Variants in LCORL observed in about 807,000 individuals in gnomAD.
LCORL encodes ligand-dependent nuclear receptor corepressor-like protein.
LCORL carries 41 observed loss-of-function variants against 141.8 expected under a neutral mutation model. The observed-to-expected ratio is 0.29, with a 90% CI of 0.23 to 0.38. The LOEUF is 0.38. Ranked by LOEUF, LCORL falls within the 10% of genes least tolerant of loss-of-function variation. The probability of loss-of-function intolerance (pLI) is 1.00; values close to 1 mark genes in which losing one functional copy is unlikely to be tolerated. For synonymous variants in LCORL, 618 were observed against 694.1 expected (o/e 0.89, Z 1.72); for missense variants, 1,759 against 2,035.0 (o/e 0.86, Z 2.61).
chr4:17,896,279 TCC>T (rs1729907562), intron 5 of LCORL, among the ~76,000 whole-genome samples: 1 of 152,080 alleles, frequency 6.6e-6, no homozygotes, highest in South Asian at 2.1e-4. Flanking sequence ...CTCCTTTCCT[TCC>T]CTCTCTCTCT....
At chr4:17,861,249 A>G (rs1724976777) in intron 7 of LCORL, among the ~76,000 whole-genome samples, 1 of 152,208 alleles carries the variant, frequency 6.6e-6, no homozygotes, top group Non-Finnish European at 1.5e-5. Flanking sequence ...GTTTCCACAC[A>G]TCTTCTGAAA....
chr4:17,954,901 G>A (rs1712280851), intron 4 of LCORL, among the ~76,000 whole-genome samples: 1 of 152,182 alleles, frequency 6.6e-6, no homozygotes, highest in Non-Finnish European at 1.5e-5. Context: ...GTCATTGTGG[G>A]ATGCCTATTA....
At chr4:17,958,826 G>A (rs548586774) in intron 4 of LCORL, among the ~76,000 whole-genome samples, 6 of 152,006 alleles carry the variant, frequency 3.9e-5, no homozygotes, top group South Asian at 2.1e-4. Context: ...CCTAGTTGCC[G>A]AGATTCTGCA....
intron 4 of LCORL, among the ~76,000 whole-genome samples, chr4:17,913,726 C>T (rs185543659): frequency 3.5e-4 from 54 of 152,296 alleles, no homozygotes; most frequent in Non-Finnish European, 5.9e-4. Flanking sequence ...CATCAGGCGT[C>T]CACCTTACAG....
At chr4:17,908,141 T>TC (rs1731952663) in intron 5 of LCORL, among the ~76,000 whole-genome samples, 1 of 152,132 alleles carries the variant, frequency 6.6e-6, no homozygotes, top group African/African-American at 2.4e-5. Context: ...CAAGCAACTC[T>TC]CCCGCCTCAG....
intron 5 of LCORL, among the ~76,000 whole-genome samples, chr4:17,891,920 C>G (rs1024151161): frequency 2.0e-5 from 3 of 152,130 alleles, no homozygotes; most frequent in Non-Finnish European, 4.4e-5. Context: ...TATACACTTA[C>G]ACATACTTTT....
exon 5 of LCORL, chr4:17,909,189 A>G: frequency 6.2e-7 from 1 of 1,613,248 alleles, no homozygotes; most frequent in South Asian, 1.1e-5. Flanking sequence ...ATTCATTTGG[A>G]TACTTTTACA....
At chr4:17,878,550 T>C (rs1727158702) in intron 6 of LCORL, among the ~76,000 whole-genome samples, 1 of 151,392 alleles carries the variant, frequency 6.6e-6, no homozygotes, top group Admixed American at 6.6e-5. Context: ...TTTTATGAAG[T>C]AGCCATTTTA....
At chr4:18,002,789 G>A (rs1194991312) in intron 1 of LCORL, among the ~76,000 whole-genome samples, 1 of 152,066 alleles carries the variant, frequency 6.6e-6, no homozygotes, top group Non-Finnish European at 1.5e-5. Context: ...CTCAGCCCAA[G>A]TCTTCATATA....
chr4:18,016,525 A>G (rs1724663447), intron 1 of LCORL, among the ~76,000 whole-genome samples: 1 of 152,156 alleles, frequency 6.6e-6, no homozygotes, highest in Non-Finnish European at 1.5e-5. Context: ...GAACTGAACT[A>G]TGCAAAGTGA....
At chr4:17,871,835 G>A (rs1057372355) in intron 7 of LCORL, among the ~76,000 whole-genome samples, 2 of 151,646 alleles carry the variant, frequency 1.3e-5, no homozygotes, top group African/African-American at 2.4e-5. Context: ...TTGATTCATC[G>A]TTTATAATGG....
exon 8 of LCORL, chr4:17,842,322 T>C: frequency 6.2e-7 from 1 of 1,611,946 alleles, no homozygotes; most frequent in Non-Finnish European, 8.5e-7. Flanking sequence ...CAGAGAAAAG[T>C]GACAGTTTCA....
At chr4:17,866,239 C>T (rs1366704241) in intron 7 of LCORL, among the ~76,000 whole-genome samples, 1 of 152,192 alleles carries the variant, frequency 6.6e-6, no homozygotes, top group Non-Finnish European at 1.5e-5. Context: ...AATTCCTCCT[C>T]ACCCTTCACA....
chr4:17,927,397 C>T (rs905875030), intron 4 of LCORL, among the ~76,000 whole-genome samples: 4 of 152,216 alleles, frequency 2.6e-5, no homozygotes, highest in African/African-American at 9.7e-5. Flanking sequence ...CATGTATTCA[C>T]CGGATTAGCA....
At chr4:18,009,997 GGAA>G (rs1723443862) in intron 1 of LCORL, among the ~76,000 whole-genome samples, 1 of 152,120 alleles carries the variant, frequency 6.6e-6, no homozygotes, top group Non-Finnish European at 1.5e-5. Context: ...AAAGGGAGGA[GGAA>G]GAAGACATTG....
At chr4:17,908,535 C>G (rs1447519177) in intron 5 of LCORL, among the ~76,000 whole-genome samples, 1 of 152,162 alleles carries the variant, frequency 6.6e-6, no homozygotes, top group African/African-American at 2.4e-5. Context: ...TCTTGCCTTT[C>G]CTCTGTGAAG....
intron 4 of LCORL, chr4:17,912,977 A>T: frequency 2.4e-6 from 1 of 409,686 alleles, no homozygotes; most frequent in Non-Finnish European, 4.7e-6. Flanking sequence ...CTAAAACATT[A>T]AGCCAGCAGA....
rs551128408 is a variant in LCORL, at chr4:17,922,363, G to A, written c.431-13018C>T. Among the ~76,000 whole-genome samples the A allele has an allele frequency of 3.9e-5, 6 of 152,266 alleles. No individual in the cohort carries two copies. In the East Asian group the frequency reaches 9.6e-4, roughly 24 times the overall value. On this transcript the variant is annotated intron_variant, in intron 4 of 7. Coordinates refer to ENST00000635767, the Ensembl canonical transcript of LCORL. Reference sequence around the variant, plus strand: ...TGGCATGAACTGTTTAAAGAGTTAGGTAAAATAAATGCATTTGATACTCCT... The same window carrying A: ...TGGCATGAACTGTTTAAAGAGTTAGATAAAATAAATGCATTTGATACTCCT...
At chr4:17,994,801 A>AAC (rs1303796622) in intron 1 of LCORL, among the ~76,000 whole-genome samples, 5 of 141,030 alleles carry the variant, frequency 3.5e-5, no homozygotes, top group East Asian at 4.0e-4. Flanking sequence ...CATAAATGTT[A>AAC]ATTTATGTGA....
Sources: gnomAD v4.1 joint callset for allele counts (sites outside exome capture counted in the v4.1 genomes callset) on GRCh38, gnomAD v4.1.1 for gene constraint, MANE v1.5 for transcripts, NCBI Gene and HGNC (gene_info 2026-07-23, HGNC 2026-07-21) for gene names.